Variants in MEIS1 observed in about 807,000 individuals in gnomAD.
MEIS1 encodes the protein Meis homeobox 1, also known as homeobox protein Meis1.
In MEIS1, 5 loss-of-function variants were observed where a neutral mutation model predicts 50.8. The ratio of observed to expected loss-of-function variants is 0.10; its 90% CI spans 0.05 to 0.21. The LOEUF (loss-of-function observed/expected upper bound fraction) is 0.21. Among genes scored for constraint, MEIS1 ranks in the 10% least tolerant of loss-of-function variants. MEIS1 has a pLI of 1.00. For missense variants in MEIS1, 318 were observed against 517.3 expected (o/e 0.61, Z 3.74); for synonymous variants, 176 against 179.3 (o/e 0.98, Z 0.15).
Position 66,546,469 on chromosome 2 carries a change from CATCCTTTGGTCATG to C in MEIS1, c.889-1473_889-1460del, listed in dbSNP as rs1674795235. ...TGGGGATTATGAAAGGCGTCTGCTA[CATCCTTTGGTCATG>C]GTGAGGCTTAGGCACTGAAAGGGAA... is the stretch of plus-strand genomic sequence containing the variant. On this transcript the variant is annotated intron_variant, in intron 8 of 12. Coordinates refer to ENST00000272369, the MANE Select transcript of MEIS1 (RefSeq NM_002398.3). 3.3e-5 allele frequency among the ~76,000 whole-genome samples: 5 copies of C among 152,190 alleles called. 1 individual carries two copies. In the South Asian group the frequency reaches 1.0e-3, roughly 32 times the overall value.
chr2:66,508,180 A>G (rs1673730489), intron 7 of MEIS1, among the ~76,000 whole-genome samples: 1 of 152,132 alleles, frequency 6.6e-6, no homozygotes, highest in Admixed American at 6.5e-5. Flanking sequence ...GTGTTTTTTT[A>G]AATAGTGTCT....
At chr2:66,436,302 A>T (rs1169347256) in intron 1 of MEIS1, among the ~76,000 whole-genome samples, 1 of 152,212 alleles carries the variant, frequency 6.6e-6, no homozygotes, top group African/African-American at 2.4e-5. Context: ...AAAGGAAATA[A>T]CTTTGTCATA....
chr2:66,507,567 C>G (rs1673712527), intron 7 of MEIS1, among the ~76,000 whole-genome samples: 1 of 152,092 alleles, frequency 6.6e-6, no homozygotes, highest in African/African-American at 2.4e-5. Flanking sequence ...AAGTTCTGAT[C>G]AGTTGTGATG....
At chr2:66,472,822 G>C (rs62144046) in intron 7 of MEIS1, among the ~76,000 whole-genome samples, 2,347 of 152,238 alleles carry the variant, frequency 0.015, 23 homozygotes, top group Non-Finnish European at 0.022. Context: ...GAGCCAGCCA[G>C]TGCCTCTGCT....
intron 6 of MEIS1, among the ~76,000 whole-genome samples, chr2:66,451,350 T>TAAA (rs1672272640): frequency 6.6e-6 from 1 of 152,114 alleles, no homozygotes; most frequent in Non-Finnish European, 1.5e-5. Flanking sequence ...AGAAACTCTT[T>TAAA]AAAGTGAAGT....
intron 9 of MEIS1, among the ~76,000 whole-genome samples, chr2:66,549,579 G>A (rs544698097): frequency 4.6e-5 from 7 of 151,788 alleles, no homozygotes; most frequent in Admixed American, 6.6e-5. Context: ...TCAATTTTGC[G>A]TGCACATCTA....
intron 8 of MEIS1, among the ~76,000 whole-genome samples, chr2:66,520,993 T>C (rs929300151): frequency 6.6e-6 from 1 of 152,202 alleles, no homozygotes; most frequent in Non-Finnish European, 1.5e-5. Context: ...TTAGTATTTT[T>C]AAAAAATAAA....
intron 7 of MEIS1, among the ~76,000 whole-genome samples, chr2:66,493,489 T>G (rs1673322658): frequency 6.6e-6 from 1 of 152,152 alleles, no homozygotes; most frequent in Non-Finnish European, 1.5e-5. Flanking sequence ...TAGTGTTATT[T>G]CCTTATAAAT....
At chr2:66,459,540 T>C (rs1360726471) in intron 6 of MEIS1, among the ~76,000 whole-genome samples, 1 of 152,132 alleles carries the variant, frequency 6.6e-6, no homozygotes, top group African/African-American at 2.4e-5. Context: ...GAGCGTATGA[T>C]CTGGTGGAAT....
At position 66,571,444 on chromosome 2, in the gene MEIS1, T is replaced by C. The variant is rs1445215758; in HGVS notation, c.*236T>C. 3 of 1,604,802 alleles carry C rather than the reference T, an allele frequency of 1.9e-6. No homozygotes were observed. Among genetic ancestry groups the C allele is most frequent in the South Asian group, 1.1e-5 (1 of 89,940 alleles). On this transcript the variant is annotated 3_prime_UTR_variant, in exon 13 of 13. Coordinates refer to ENST00000272369, the MANE Select transcript of MEIS1 (RefSeq NM_002398.3). ...CATGGAGGACCGCCCCACCCTGGAA[T>C]GCCAATGTCAGCATCAAGCCCCACA...
At chr2:66,436,128 C>T (rs1467299546) in intron 1 of MEIS1, among the ~76,000 whole-genome samples, 1 of 151,930 alleles carries the variant, frequency 6.6e-6, no homozygotes, top group African/African-American at 2.4e-5. Flanking sequence ...CTCAAACAAT[C>T]ATCTGGGTTT....
chr2:66,544,629 G>A (rs564680205), intron 8 of MEIS1, among the ~76,000 whole-genome samples: 1 of 151,980 alleles, frequency 6.6e-6, no homozygotes, highest in African/African-American at 2.4e-5. Context: ...TCATTCATTT[G>A]TATTAAAAAA....
intron 7 of MEIS1, among the ~76,000 whole-genome samples, chr2:66,473,729 T>A (rs1293214602): frequency 7.2e-5 from 11 of 152,096 alleles, no homozygotes; most frequent in Non-Finnish European, 2.9e-5. Context: ...ACCATGGATC[T>A]CCCTTGAGGA....
Position 66,435,379 on chromosome 2 carries a change from T to C in MEIS1, c.-478T>C, listed in dbSNP as rs1294794944. The C allele has an allele frequency of 5.0e-6, 1 of 199,776 alleles. No homozygotes were observed. The highest frequency in any genetic ancestry group is 1.0e-5 in the Non-Finnish European group (1 of 100,032). 12.4% of individuals were successfully genotyped at this position (199,776 alleles called of 1,614,324 possible). A position where few individuals can be genotyped will look rare whatever the true frequency, so the allele number is the denominator to read the frequency against. The stretch of plus-strand genomic sequence containing the variant: ...ATTCAAGGGAAGCGAGCGCTAGGGC[T>C]TTGTGCATTTGAATATTAACATTTG... On this transcript the variant is annotated 5_prime_UTR_variant, in exon 1 of 13. Coordinates refer to ENST00000272369, the MANE Select transcript of MEIS1 (RefSeq NM_002398.3).
intron 5 of MEIS1, chr2:66,442,699 T>C: frequency 2.0e-6 from 1 of 510,714 alleles, no homozygotes; most frequent in South Asian, 3.2e-5. Context: ...CTTGTCACTG[T>C]CAATTTTCTG....
At chr2:66,462,579 G>A (rs937916971) in intron 6 of MEIS1, among the ~76,000 whole-genome samples, 8 of 152,164 alleles carry the variant, frequency 5.3e-5, no homozygotes, top group African/African-American at 1.9e-4. Flanking sequence ...TTTCTGCAGA[G>A]CTCTGAATAA....
intron 12 of MEIS1, 146 bp from the exon 13 acceptor site, chr2:66,571,100 C>A: frequency 2.5e-6 from 2 of 788,300 alleles, no homozygotes; most frequent in Non-Finnish European, 1.9e-6. Context: ...TTATTTTCTT[C>A]TGTATGAATC....
chr2:66,532,962 C>T (rs1171105073), intron 8 of MEIS1, among the ~76,000 whole-genome samples: 1 of 152,090 alleles, frequency 6.6e-6, no homozygotes, highest in South Asian at 2.1e-4. Flanking sequence ...AAAATCCTGC[C>T]ATCAAATCAA....
chr2:66,528,598 C>T (rs1674314322), intron 8 of MEIS1, among the ~76,000 whole-genome samples: 1 of 152,100 alleles, frequency 6.6e-6, no homozygotes, highest in Admixed American at 6.5e-5. Flanking sequence ...CATCAATTCT[C>T]TCTCCTAAAC....
Sources: allele counts gnomAD v4.1 joint callset (sites outside exome capture counted in the v4.1 genomes callset), GRCh38; gene constraint gnomAD v4.1.1; transcripts MANE v1.5; gene names NCBI Gene and HGNC (gene_info 2026-07-23, HGNC 2026-07-21).